Variants in FLI1 observed in about 807,000 individuals in gnomAD.
The protein encoded by FLI1 is Fli-1 proto-oncogene, ETS transcription factor, also known as Friend leukemia integration 1 transcription factor.
FLI1 carries 13 observed loss-of-function variants against 53.1 expected under a neutral mutation model. The observed-to-expected ratio is 0.24, with a 90% CI of 0.16 to 0.39. The LOEUF is 0.39. Among genes scored for constraint, FLI1 ranks in the 10% least tolerant of loss-of-function variants. FLI1 has a pLI of 1.00. For synonymous variants in FLI1, 244 were observed against 236.7 expected (o/e 1.03, Z -0.28); for missense variants, 424 against 600.5 (o/e 0.71, Z 3.07).
intron 5 of FLI1, among the ~76,000 whole-genome samples, chr11:128,788,982 C>A (rs146941762): frequency 6.6e-6 from 1 of 152,256 alleles, no homozygotes; most frequent in Non-Finnish European, 1.5e-5. Context: ...GGGCAATGCA[C>A]GTATATTACC....
At chr11:128,775,525 G>T (rs1591802952) in intron 4 of FLI1, among the ~76,000 whole-genome samples, 1 of 152,298 alleles carries the variant, frequency 6.6e-6, no homozygotes, top group East Asian at 1.9e-4. Context: ...GTGAGGTGGT[G>T]GCTGGCTGCT....
intron 3 of FLI1, among the ~76,000 whole-genome samples, chr11:128,772,112 G>A (rs1941588169): frequency 6.6e-6 from 1 of 151,074 alleles, no homozygotes; most frequent in Non-Finnish European, 1.5e-5. Context: ...AGGTATGAGT[G>A]TCCTACCATA....
intron 1 of FLI1, among the ~76,000 whole-genome samples, chr11:128,699,276 A>G (rs1207007307): frequency 1.3e-5 from 2 of 152,244 alleles, no homozygotes; most frequent in East Asian, 1.9e-4. Context: ...TTCTAGGTAT[A>G]TAGCATTAGT....
rs781142038 is a variant in FLI1 at position 128,781,976 on chromosome 11, A to G, written c.608A>G (p.Asn203Ser). Residue 203 changes from asparagine (N) to serine (S), a missense_variant, in exon 5 of 9, where the codon AAT becomes AGT. Around this residue, in one of 5 missense-constraint regions of FLI1, gnomAD observed 114 missense variants for 117.9 expected, o/e 0.97. Transcript: ENST00000527786. Reference sequence around the variant, plus strand: ...CTCTCAGGTTCACTGCTGGCCTATAATACAACCTCCCACACCGACCAATCC... The same window carrying G: ...CTCTCAGGTTCACTGCTGGCCTATAGTACAACCTCCCACACCGACCAATCC... ...YLRESSLLAYNTTSHTDQSSR... is the reference protein window; with the variant it reads ...YLRESSLLAYSTTSHTDQSSR... The G allele has an allele frequency of 1.7e-5, 28 of 1,613,814 alleles. No homozygotes were observed. The highest frequency in any genetic ancestry group is 2.4e-5 in the Non-Finnish European group (28 of 1,179,838).
intron 1 of FLI1, among the ~76,000 whole-genome samples, chr11:128,744,140 C>T (rs1266167769): frequency 6.6e-6 from 1 of 152,182 alleles, no homozygotes; most frequent in Non-Finnish European, 1.5e-5. Flanking sequence ...GGCCATGAAG[C>T]TCATGAACAC....
At chr11:128,781,067 G>A (rs1207113866) in intron 4 of FLI1, among the ~76,000 whole-genome samples, 1 of 152,202 alleles carries the variant, frequency 6.6e-6, no homozygotes, top group Non-Finnish European at 1.5e-5. Flanking sequence ...CTTTTTCAAA[G>A]TGCTGGGTAC....
intron 3 of FLI1, among the ~76,000 whole-genome samples, chr11:128,771,483 T>G (rs1432577497): frequency 6.6e-6 from 1 of 152,258 alleles, no homozygotes; most frequent in Non-Finnish European, 1.5e-5. Context: ...TGCCTCTGGC[T>G]GCCCAGCTGT....
chr11:128,691,846 AGAAACCTAGCCAT>A (rs1937751166), upstream of FLI1: 5 of 152,298 alleles, frequency 3.3e-5, no homozygotes, highest in Admixed American at 3.3e-4. Context: ...AGTTGGAAAG[AGAAACCTAGCCAT>A]GGTGTCTGCC....
intron 2 of FLI1, among the ~76,000 whole-genome samples, chr11:128,760,741 T>C (rs1424958952): frequency 6.6e-6 from 1 of 152,134 alleles, no homozygotes; most frequent in Non-Finnish European, 1.5e-5. Flanking sequence ...TTGGCCCGGC[T>C]GGTCTTCAAC....
chr11:128,767,763 G>A (rs1399360808), intron 2 of FLI1, among the ~76,000 whole-genome samples: 1 of 152,158 alleles, frequency 6.6e-6, no homozygotes, highest in East Asian at 1.9e-4. Flanking sequence ...CTGTGGGGAA[G>A]GCGTGTCTGG....
At position 128,731,027 on chromosome 11, in the gene FLI1, G is replaced by A. The variant is rs144403911; in HGVS notation, c.19-27088G>A. ...TGCTTCGAGAGGTCCTGAGGAAAAG[G>A]CACATGCCATCATGTCCTCTCCCCG... On this transcript the variant is annotated intron_variant, in intron 1 of 8. Transcript: ENST00000527786. Among the ~76,000 whole-genome samples, 5 of 152,338 alleles carry A rather than the reference G, an allele frequency of 3.3e-5. No individual in the cohort carries two copies. The East Asian group carries it at 7.7e-4, about 23-fold the overall frequency.
At position 128,794,740 on chromosome 11, in the gene FLI1, G is replaced by A. The variant is rs117973941; in HGVS notation, c.656-10626G>A. 2.0e-3 allele frequency among the ~76,000 whole-genome samples: 307 copies of A among 152,328 alleles called. 5 individuals are homozygous for A. The South Asian group carries it at 0.038, about 19-fold the overall frequency. ...GCTAGAAACACTACCCAGGTTGTGA[G>A]TGGGCTTTTTCTTTCTTGTCTCAGG... is the stretch of plus-strand genomic sequence containing the variant. On this transcript the variant is annotated intron_variant, in intron 5 of 8. Transcript: ENST00000527786.
rs1386114689 is a variant in FLI1, at chr11:128,812,757, C to T, written c.*1769C>T. ...CAGCCTCCCCTGGGCACTTCAGACC[C>T]AGACGGCCACCTTCTGCCACTCCAG... On this transcript the variant is annotated 3_prime_UTR_variant, in exon 9 of 9. Coordinates refer to ENST00000527786, the MANE Select transcript of FLI1 (RefSeq NM_002017.5). The T allele has an allele frequency of 1.4e-5, 3 of 216,352 alleles. No individual in the cohort carries two copies. Among genetic ancestry groups the T allele is most frequent in the Non-Finnish European group, 2.8e-5 (3 of 107,174 alleles). 13.4% of individuals were successfully genotyped at this position (216,352 alleles called of 1,614,324 possible).
chr11:128,757,069 T>TTTCA (rs1471172922), intron 1 of FLI1, among the ~76,000 whole-genome samples: 2 of 144,356 alleles, frequency 1.4e-5, no homozygotes, highest in African/African-American at 5.5e-5. Context: ...TCTTTCTTTC[T>TTTCA]TTCTTTCTTT....
In FLI1 at chr11:128,810,434, C is replaced by G. The variant is rs374793083; in HGVS notation, c.830-25C>G. 2 of 1,570,128 alleles carry G rather than the reference C, an allele frequency of 1.3e-6. No individual in the cohort carries two copies. The highest frequency in any genetic ancestry group is 3.8e-5 in the Admixed American group (2 of 53,186). ...TCTCTGGGCTGAGGTGTTCTGTTCT[C>G]TCCCGTTTGCCTCACGGCGTGCAGG... On this transcript the variant is annotated intron_variant, in intron 8 of 8. Coordinates refer to ENST00000527786, the MANE Select transcript of FLI1 (RefSeq NM_002017.5). This position sits in a 1 kb window ranked among gnomAD's most constrained non-coding sequence, Gnocchi z 6.6.
At chr11:128,743,971 C>T (rs2135781022) in intron 1 of FLI1, among the ~76,000 whole-genome samples, 1 of 152,316 alleles carries the variant, frequency 6.6e-6, no homozygotes, top group Non-Finnish European at 1.5e-5. Flanking sequence ...CTGTCAGTGA[C>T]TGTCTCCAGG....
Position 128,736,710 on chromosome 11 carries a change from CAGATTCTAGAAA to C in FLI1, c.19-21400_19-21389del, listed in dbSNP as rs1939930570. ...TATATAATCAACAGAAAATTTTGTT[CAGATTCTAGAAA>C]AGATAGCTGCTGTTTTGTATATGTG... On this transcript the variant is annotated intron_variant, in intron 1 of 8. Transcript: ENST00000527786. Among the ~76,000 whole-genome samples, 2 of 152,186 alleles carry C rather than the reference CAGATTCTAGAAA, an allele frequency of 1.3e-5. 1 individual carries two copies. Among genetic ancestry groups the C allele is most frequent in the South Asian group, 4.1e-4 (2 of 4,832 alleles).
chr11:128,783,465 G>A (rs1181043439), intron 5 of FLI1, among the ~76,000 whole-genome samples: 2 of 152,194 alleles, frequency 1.3e-5, no homozygotes, highest in Non-Finnish European at 2.9e-5. Flanking sequence ...CCCTGAGCCA[G>A]TCCTGTTTCT....
chr11:128,694,540 GC>G (rs1565451989), intron 1 of FLI1, among the ~76,000 whole-genome samples: 42 of 128 alleles, frequency 0.33, no homozygotes, highest in Non-Finnish European at 0.031. Context: ...CTCGCTGCCC[GC>G]CGGGGCTGCA....
Sources: gnomAD v4.1 joint callset for allele counts (sites outside exome capture counted in the v4.1 genomes callset) on GRCh38, gnomAD v4.1.1 for gene constraint, gnomAD v4.1.1 regional missense constraint, Gnocchi (gnomAD v3.1) non-coding constraint, MANE v1.5 for transcripts, NCBI Gene and HGNC (gene_info 2026-07-23, HGNC 2026-07-21) for gene names.